The following VIRMA variants were observed in gnomAD, a reference collection of about 807,000 sequenced individuals.
The protein encoded by VIRMA is protein virilizer homolog.
In VIRMA, 65 loss-of-function variants were observed where a neutral mutation model predicts 182.4. That is an observed-to-expected ratio of 0.36 (90% confidence interval 0.29 to 0.44). The LOEUF is 0.44. VIRMA is among the 20% of genes least tolerant of loss of function. VIRMA has a pLI of 1.00. For missense variants in VIRMA, 1,752 were observed against 2,158.1 expected, an observed-to-expected ratio of 0.81 and a Z score of 3.73; for synonymous variants, 709 against 743.1, an observed-to-expected ratio of 0.95 and a Z score of 0.75.
intron 17 of VIRMA, chr8:94,498,369 A>T (rs1813861152): frequency 6.6e-6 from 1 of 152,370 alleles, no homozygotes; most frequent in African/African-American, 2.4e-5. Context: ...CCAAAATCAC[A>T]ACATCCAAAA....
chr8:94,543,965 G>T (rs775277776), intron 1 of VIRMA, 23 bp from the exon 2 acceptor site: 5 of 1,278,174 alleles, frequency 3.9e-6, no homozygotes, highest in Non-Finnish European at 5.7e-6. Flanking sequence ...AAAAGCCGGA[G>T]GGGGAGGGGT....
At chr8:94,512,277 A>T in intron 11 of VIRMA, 188 bp from the exon 12 acceptor site, 1 of 291,518 alleles carries the variant, frequency 3.4e-6, no homozygotes, top group Non-Finnish European at 6.2e-6. Flanking sequence ...AGATTATTTG[A>T]TCTCTGGCAT....
chr8:94,507,598 T>C (rs1186398677), intron 15 of VIRMA, among the ~76,000 whole-genome samples: 2 of 151,530 alleles, frequency 1.3e-5, no homozygotes, highest in Admixed American at 6.6e-5. Context: ...CTACCAAAAA[T>C]ACAAAAATTA....
At chr8:94,503,820 A>C (rs1379578004) in intron 16 of VIRMA, among the ~76,000 whole-genome samples, 1 of 152,130 alleles carries the variant, frequency 6.6e-6, no homozygotes, top group Non-Finnish European at 1.5e-5. Context: ...GTAACCTGCC[A>C]CAGGACTATA....
At position 94,491,421 on chromosome 8, in the gene VIRMA, T is replaced by C. The variant is rs566058955; in HGVS notation, c.5140+157A>G. On this transcript the variant is annotated intron_variant, in intron 22 of 23. Transcript: ENST00000297591. ...AAAAAAGTTTCTTTCTTCTATCCAA[T>C]AGAGTACTCTGCAAACAGTACCACT... Among the ~76,000 whole-genome samples, 24 of 152,240 alleles carry C rather than the reference T, an allele frequency of 1.6e-4. 1 individual carries two copies. The highest frequency in any genetic ancestry group is 1.4e-3 in the Admixed American group (22 of 15,290).
chr8:94,510,542 G>C lies in VIRMA; in HGVS notation c.3501C>G (p.Gly1167=). The stretch of plus-strand genomic sequence containing the variant: ...TATGTTGAATGGGCTGGCAGGTTGT[G>C]CCAGAGAAAGAGCGAACTATTTCTT... ...LLQEIVRSFS[G]TTCQPIQHML... The change falls in exon 14 of 24, where the codon GGC becomes GGG. Residue 1167 remains glycine (G), a synonymous_variant. Transcript: ENST00000297591. The C allele has an allele frequency of 1.9e-6, 3 of 1,614,128 alleles. No individual in the cohort carries two copies. Among genetic ancestry groups the C allele is most frequent in the South Asian group, 1.1e-5 (1 of 91,082 alleles).
At chr8:94,531,135 C>A (rs915284606) in intron 5 of VIRMA, 50 bp from the exon 6 acceptor site, 1 of 1,490,498 alleles carries the variant, frequency 6.7e-7, no homozygotes. Flanking sequence ...ACAGATGACC[C>A]CCGAACAACA....
chr8:94,537,126 T>C lies in VIRMA; in HGVS notation c.292A>G (p.Ile98Val), dbSNP rs768497371. 3.7e-6 allele frequency: 6 copies of C among 1,605,508 alleles called. No homozygotes were observed. In the Admixed American group the frequency reaches 6.7e-5, roughly 18 times the overall value. ...GSLEYDENTS[I>V]IFRPNSKVNT... ...ACCTTTGAGTTAGGTCTAAAGATGA[T>C]GGAAGTATTCTCATCATATTCCAGG... is the stretch of plus-strand genomic sequence containing the variant. Residue 98 changes from isoleucine (I) to valine (V), a missense_variant, in exon 4 of 24, where the codon ATC (isoleucine) becomes GTC (valine). Around this residue, in one of 11 missense-constraint regions of VIRMA, gnomAD observed 195 missense variants for 191.7 expected, o/e 1.02. Coordinates refer to ENST00000297591, the MANE Select transcript of VIRMA (RefSeq NM_015496.5).
At chr8:94,529,623 T>C (rs1815090746) in intron 6 of VIRMA, among the ~76,000 whole-genome samples, 1 of 151,690 alleles carries the variant, frequency 6.6e-6, no homozygotes, top group Non-Finnish European at 1.5e-5. Flanking sequence ...TTTTATTTTA[T>C]TTTATTTATT....
intron 22 of VIRMA, 92 bp from the exon 23 acceptor site, chr8:94,490,174 G>A (rs1813564105): frequency 1.4e-6 from 2 of 1,397,832 alleles, no homozygotes; most frequent in African/African-American, 2.9e-5. Context: ...TCAAAAGAAT[G>A]GAAAAGAAAC....
intron 16 of VIRMA, among the ~76,000 whole-genome samples, chr8:94,505,750 T>C (rs1395499643): frequency 4.6e-5 from 7 of 152,074 alleles, no homozygotes; most frequent in Admixed American, 3.9e-4. Flanking sequence ...CCTCAGTCTC[T>C]TGAAGTGCTG....
At chr8:94,522,988 A>G (rs1421198897) in intron 8 of VIRMA, among the ~76,000 whole-genome samples, 3 of 152,074 alleles carry the variant, frequency 2.0e-5, no homozygotes, top group Non-Finnish European at 4.4e-5. Flanking sequence ...CCTCCTCCAT[A>G]TGGTGGGAAA....
chr8:94,543,401 CAAAAAAAAA>C (rs1162030319), intron 2 of VIRMA, among the ~76,000 whole-genome samples: 2 of 43,196 alleles, frequency 4.6e-5, no homozygotes, highest in Non-Finnish European at 1.0e-4. Context: ...AACTCCATCT[CAAAAAAAAA>C]AAAAAAAAAA....
chr8:94,505,694 G>A (rs771959306), intron 16 of VIRMA, among the ~76,000 whole-genome samples: 1 of 151,778 alleles, frequency 6.6e-6, no homozygotes, highest in African/African-American at 2.4e-5. Flanking sequence ...ATGTTGCCCA[G>A]GCTAAACTTG....
intron 8 of VIRMA, among the ~76,000 whole-genome samples, chr8:94,523,658 C>A (rs1814851541): frequency 6.6e-6 from 1 of 151,838 alleles, no homozygotes. Flanking sequence ...GACGGAGTTT[C>A]GCTCTTGTCG....
In VIRMA at chr8:94,508,907, G is replaced by T. The variant is rs117610398; in HGVS notation, c.3879+781C>A. Among the ~76,000 whole-genome samples, 1,227 of 152,104 alleles carry T rather than the reference G, an allele frequency of 8.1e-3. 5 individuals carry two copies. Among genetic ancestry groups the T allele is most frequent in the Non-Finnish European group, 0.013 (911 of 68,008 alleles). On this transcript the variant is annotated intron_variant, in intron 15 of 23. Transcript: ENST00000297591. ...TCTCCAAAGATCTCAATCATAATGGGCTTTAAAAGCTAAAACAATTCTCAT... is the reference window on the plus strand; with the variant it reads ...TCTCCAAAGATCTCAATCATAATGGTCTTTAAAAGCTAAAACAATTCTCAT...
Position 94,496,311 on chromosome 8 carries a change from G to GA in VIRMA, c.4383+16_4383+17insT. 6.2e-7 allele frequency: 1 copy of GA among 1,603,028 alleles called. No homozygotes were observed. Among genetic ancestry groups the GA allele is most frequent in the Non-Finnish European group, 8.5e-7 (1 of 1,176,602 alleles). ...GGAAAATAGGCCTTAAGAACGCTCT[G>GA]TTTTTTTCTTTTTTACCAAAACAAG... On this transcript the variant is annotated intron_variant, in intron 18 of 23. Transcript: ENST00000297591.
chr8:94,542,676 G>T (rs1815600676), intron 2 of VIRMA, among the ~76,000 whole-genome samples: 1 of 152,016 alleles, frequency 6.6e-6, no homozygotes, highest in Non-Finnish European at 1.5e-5. Flanking sequence ...GAAACGTATA[G>T]GGAAACTTGA....
At chr8:94,518,366 G>T (rs1404602436) in intron 9 of VIRMA, among the ~76,000 whole-genome samples, 1 of 152,124 alleles carries the variant, frequency 6.6e-6, no homozygotes, top group Non-Finnish European at 1.5e-5. Flanking sequence ...ATACAGCTAG[G>T]CATGAAAGTC....
Sources: allele counts gnomAD v4.1 joint callset (sites outside exome capture counted in the v4.1 genomes callset), GRCh38; gene constraint gnomAD v4.1.1; regional missense constraint gnomAD v4.1.1; transcripts MANE v1.5; gene names NCBI Gene and HGNC (gene_info 2026-07-23, HGNC 2026-07-21).